CSMD1: variants seen among roughly 807,000 people sequenced by gnomAD.
The protein encoded by CSMD1 is CUB and sushi domain-containing protein 1.
Under a neutral mutation model 417.5 loss-of-function variants are expected in CSMD1, and 213 were observed. That is an observed-to-expected ratio of 0.51 (90% confidence interval 0.46 to 0.57). CSMD1 has a LOEUF of 0.57. CSMD1 is among the 20% of genes least tolerant of loss of function. CSMD1 has a pLI of 0.00. For synonymous variants in CSMD1, 2,862 were observed against 1,736.8 expected (o/e 1.65, Z -16.11); for missense variants, 6,923 against 4,529.7 (o/e 1.53, Z -15.17).
At chr8:4,438,216 G>A (rs1425225421) in intron 2 of CSMD1, among the ~76,000 whole-genome samples, 1 of 152,144 alleles carries the variant, frequency 6.6e-6, no homozygotes, top group Non-Finnish European at 1.5e-5. Flanking sequence ...AGAAACTCCT[G>A]AAATAATCTC....
rs548808622 is a variant in CSMD1 at position 4,808,190 on chromosome 8, T to A, written c.86-170632A>T. ...TCACAGAGGGCGGCAGGCAGATTGG[T>A]TTCATTGCCAGCACCAGTCGGTCAG... On this transcript the variant is annotated intron_variant, in intron 1 of 69. Transcript: ENST00000635120. Among the ~76,000 whole-genome samples, 10 of 152,272 alleles carry A rather than the reference T, an allele frequency of 6.6e-5. No individual in the cohort carries two copies. In the South Asian group the frequency reaches 1.7e-3, roughly 25 times the overall value.
At chr8:4,398,382 C>CA (rs1302712778) in intron 3 of CSMD1, among the ~76,000 whole-genome samples, 3 of 135,928 alleles carry the variant, frequency 2.2e-5, no homozygotes, top group East Asian at 4.4e-4. Context: ...TGTCTTGCTG[C>CA]AACTTCTTTT....
intron 41 of CSMD1, among the ~76,000 whole-genome samples, chr8:3,130,746 G>A (rs1211582163): frequency 6.6e-6 from 1 of 151,852 alleles, no homozygotes; most frequent in Non-Finnish European, 1.5e-5. Flanking sequence ...CAGACCCCAG[G>A]CCCCCGCTCA....
At chr8:4,215,945 A>G (rs546988217) in intron 3 of CSMD1, among the ~76,000 whole-genome samples, 3 of 152,330 alleles carry the variant, frequency 2.0e-5, no homozygotes, top group Admixed American at 6.5e-5. Flanking sequence ...TGAACATGCC[A>G]GTTTCTTTTG....
intron 4 of CSMD1, among the ~76,000 whole-genome samples, chr8:4,029,720 A>T (rs893302072): frequency 6.6e-5 from 10 of 152,018 alleles, no homozygotes; most frequent in Non-Finnish European, 1.0e-4. Context: ...CAGTCCCCCA[A>T]AGTCTTAACT....
intron 54 of CSMD1, among the ~76,000 whole-genome samples, 178 bp from the exon 55 acceptor site, chr8:2,978,978 T>C (rs1805175058): frequency 6.6e-6 from 1 of 152,200 alleles, no homozygotes; most frequent in Non-Finnish European, 1.5e-5. Context: ...CCACTCTTTT[T>C]CAAGAGGTGT....
chr8:4,358,811 T>C (rs923337671), intron 3 of CSMD1, among the ~76,000 whole-genome samples: 23 of 152,158 alleles, frequency 1.5e-4, no homozygotes, highest in African/African-American at 5.5e-4. Flanking sequence ...AAACAAGTTA[T>C]AAATCACGTA....
rs765904838 is a variant in CSMD1, at chr8:4,912,135, A to AAAAAAAAAAAAAAAAAAAAAAG, written c.85+82196_85+82197insCTTTTTTTTTTTTTTTTTTTTT. On this transcript the variant is annotated intron_variant, in intron 1 of 69. Coordinates refer to ENST00000635120, the MANE Select transcript of CSMD1 (RefSeq NM_033225.6). ...TCAACATAGCTTCAAAAAAAAAAAAAAAAAAAGAAAGAAAGAAAAGAAAAG... is the reference window on the plus strand; with the variant it reads ...TCAACATAGCTTCAAAAAAAAAAAAAAAAAAAAAAAAAAAAAAAAAAGAAAAAAGAAAGAAAGAAAAGAAAAG... Among the ~76,000 whole-genome samples the AAAAAAAAAAAAAAAAAAAAAAG allele has an allele frequency of 1.7e-3, 191 of 115,394 alleles. 1 individual carries two copies. Among genetic ancestry groups the AAAAAAAAAAAAAAAAAAAAAAG allele is most frequent in the Non-Finnish European group, 2.1e-3 (108 of 52,366 alleles). The allele number at this position is 115,394 out of a possible 152,430, so 75.7% of individuals were successfully genotyped here.
intron 3 of CSMD1, among the ~76,000 whole-genome samples, chr8:4,223,863 C>A (rs1385723016): frequency 6.6e-6 from 1 of 152,206 alleles, no homozygotes; most frequent in East Asian, 1.9e-4. Context: ...ATGTAAAGGT[C>A]CCTAAAAGTC....
intron 3 of CSMD1, among the ~76,000 whole-genome samples, chr8:4,398,889 AAAAAT>A (rs1271945764): frequency 1.3e-5 from 2 of 152,328 alleles, no homozygotes; most frequent in Admixed American, 6.5e-5. Flanking sequence ...ATTCTCAATA[AAAAAT>A]AAAAGTCTCT....
rs561247748 is a variant in CSMD1 at position 4,156,186 on chromosome 8, G to A, written c.416-124087C>T. On this transcript the variant is annotated intron_variant, in intron 3 of 69. Transcript: ENST00000635120. ...GTTGTGTGAGGGGTGTGGGAACAAG[G>A]TTTCATATCTGGACTGGGATCACTG... Among the ~76,000 whole-genome samples, 15 of 152,264 alleles carry A rather than the reference G, an allele frequency of 9.9e-5. No individual in the cohort carries two copies. In the East Asian group the frequency reaches 2.5e-3, roughly 26 times the overall value.
At chr8:4,646,693 T>C (rs1221551901) in intron 1 of CSMD1, among the ~76,000 whole-genome samples, 2 of 152,188 alleles carry the variant, frequency 1.3e-5, no homozygotes, top group Non-Finnish European at 2.9e-5. Context: ...CATGCTCTAT[T>C]TTAATGCTTA....
At chr8:4,841,922 A>ACAAAC (rs1341167438) in intron 1 of CSMD1, among the ~76,000 whole-genome samples, 18 of 143,348 alleles carry the variant, frequency 1.3e-4, no homozygotes, top group African/African-American at 4.7e-4. Context: ...AAAAAAAAAA[A>ACAAAC]AAAAAAAAAA....
intron 7 of CSMD1, among the ~76,000 whole-genome samples, chr8:3,699,508 G>A (rs1470752037): frequency 3.3e-5 from 5 of 152,112 alleles, no homozygotes; most frequent in African/African-American, 9.7e-5. Flanking sequence ...GCCTCACATG[G>A]CCCTGCTTTC....
intron 1 of CSMD1, among the ~76,000 whole-genome samples, chr8:4,659,060 A>C (rs1055028291): frequency 6.6e-6 from 1 of 152,174 alleles, no homozygotes; most frequent in African/African-American, 2.4e-5. Flanking sequence ...CATAAACAAG[A>C]AAACCAGAGA....
rs149821942 is a variant in CSMD1, at chr8:4,443,921, A to T, written c.303-23856T>A. On this transcript the variant is annotated intron_variant, in intron 2 of 69. Transcript: ENST00000635120. The stretch of plus-strand genomic sequence containing the variant: ...ACATCTACAGGAGTCCTCATAAGAA[A>T]TGCGTACATATACATGCATATATTC... Among the ~76,000 whole-genome samples, 523 of 152,294 alleles carry T rather than the reference A, an allele frequency of 3.4e-3. 1 individual carries two copies. Among genetic ancestry groups the T allele is most frequent in the Non-Finnish European group, 5.8e-3 (395 of 68,024 alleles).
At chr8:3,492,217 T>G (rs1818423165) in intron 11 of CSMD1, among the ~76,000 whole-genome samples, 1 of 151,744 alleles carries the variant, frequency 6.6e-6, no homozygotes. Flanking sequence ...TTCAGTGGAG[T>G]GTTATTTCCC....
At chr8:4,141,108 G>T (rs1176307109) in intron 3 of CSMD1, among the ~76,000 whole-genome samples, 3 of 151,140 alleles carry the variant, frequency 2.0e-5, no homozygotes, top group East Asian at 3.9e-4. Flanking sequence ...GATCTCATAG[G>T]TCTCACTTAC....
intron 5 of CSMD1, among the ~76,000 whole-genome samples, chr8:3,848,804 G>C (rs998393856): frequency 6.6e-6 from 1 of 151,864 alleles, no homozygotes; most frequent in Non-Finnish European, 1.5e-5. Context: ...ATGATTAGCA[G>C]CGATTTTAAA....
Sources: allele counts gnomAD v4.1 joint callset (sites outside exome capture counted in the v4.1 genomes callset), GRCh38; gene constraint gnomAD v4.1.1; transcripts MANE v1.5; gene names NCBI Gene and HGNC (gene_info 2026-07-23, HGNC 2026-07-21).